Variants in CEP70 observed in about 807,000 individuals in gnomAD.
CEP70 encodes the protein centrosomal protein of 70 kDa.
CEP70 carries 70 observed loss-of-function variants against 90.9 expected under a neutral mutation model. The observed-to-expected ratio is 0.77, with a 90% CI of 0.64 to 0.94. CEP70 has a LOEUF of 0.94. Ranked by LOEUF, CEP70 falls within the 40% of genes least tolerant of loss-of-function variation. The pLI is 0.00. For synonymous variants in CEP70, 220 were observed against 228.3 expected, an observed-to-expected ratio of 0.96 and a Z score of 0.33; for missense variants, 648 against 669.0, an observed-to-expected ratio of 0.97 and a Z score of 0.35.
At chr3:138,495,231 T>C (rs545953925) in intron 17 of CEP70, among the ~76,000 whole-genome samples, 155 bp from the exon 18 acceptor site, 43 of 152,350 alleles carry the variant, frequency 2.8e-4, no homozygotes, top group African/African-American at 9.4e-4. Flanking sequence ...ATAGTGATGA[T>C]AGATTATCAC....
At chr3:138,554,893 G>A (rs2039883424) in intron 6 of CEP70, among the ~76,000 whole-genome samples, 1 of 152,048 alleles carries the variant, frequency 6.6e-6, no homozygotes, top group Non-Finnish European at 1.5e-5. Flanking sequence ...TGTGCAAATG[G>A]TGCTGGGATA....
chr3:138,568,362 T>C (rs1291100305), intron 6 of CEP70, among the ~76,000 whole-genome samples: 1 of 152,212 alleles, frequency 6.6e-6, no homozygotes, highest in African/African-American at 2.4e-5. Flanking sequence ...TTTGTAAGCT[T>C]TGTATTTCTA....
Position 138,513,660 on chromosome 3 carries a change from T to C in CEP70, c.945-5116A>G, listed in dbSNP as rs149501970. Among the ~76,000 whole-genome samples the C allele has an allele frequency of 4.8e-3, 733 of 152,252 alleles. 4 individuals are homozygous for C. The highest frequency in any genetic ancestry group is 6.1e-3 in the Admixed American group (93 of 15,274). Reference sequence around the variant, plus strand: ...TAGCAGTAAGTTAACAGTTTGACTGTTAATTTCACTTTGACTCATTGGCCT... The same window carrying C: ...TAGCAGTAAGTTAACAGTTTGACTGCTAATTTCACTTTGACTCATTGGCCT... On this transcript the variant is annotated intron_variant, in intron 11 of 17. Transcript: ENST00000264982.
rs773563593 is a variant in CEP70 at position 138,500,455 on chromosome 3, G to GT, written c.1480dup (p.Thr494AsnfsTer2). On this transcript the variant is annotated frameshift_variant, in exon 15 of 18. Transcript: ENST00000264982. LOFTEE classifies it high-confidence loss of function. ...AGCATTGTTCATTTCTCCAAGCCTA[G>GT]TATAAACTTCATTCATTCGGGGATA... 3 of 1,610,788 alleles carry GT rather than the reference G, an allele frequency of 1.9e-6. No individual in the cohort carries two copies. The South Asian group carries it at 3.3e-5, about 18-fold the overall frequency.
At chr3:138,518,456 C>A (rs1296704304) in intron 11 of CEP70, among the ~76,000 whole-genome samples, 1 of 152,180 alleles carries the variant, frequency 6.6e-6, no homozygotes, top group East Asian at 1.9e-4. Flanking sequence ...TGACATCTCA[C>A]ACAGCCGGGT....
intron 2 of CEP70, among the ~76,000 whole-genome samples, chr3:138,581,154 G>A (rs112389818): frequency 3.9e-4 from 60 of 151,906 alleles, no homozygotes; most frequent in African/African-American, 1.3e-3. Flanking sequence ...GCATGGTGGC[G>A]TGTGCCAGTA....
rs918581883 is a variant in CEP70 at position 138,530,902 on chromosome 3, A to G, written c.693-1440T>C. On this transcript the variant is annotated intron_variant, in intron 8 of 17. Coordinates refer to ENST00000264982, the MANE Select transcript of CEP70 (RefSeq NM_024491.4). ...AGAAAGGAGACTGAGTTTATAATAT[A>G]AACTCCACTCAGTCAATGAATCCCG... is the stretch of plus-strand genomic sequence containing the variant. 9.4e-6 allele frequency: 9 copies of G among 957,062 alleles called. No homozygotes were observed. The Admixed American group carries it at 3.1e-4, about 33-fold the overall frequency. The allele number at this position is 957,062 out of a possible 1,614,324, so 59.3% of individuals were successfully genotyped here.
intron 1 of CEP70, among the ~76,000 whole-genome samples, chr3:138,593,301 C>T (rs928011519): frequency 3.3e-5 from 5 of 152,190 alleles, no homozygotes; most frequent in African/African-American, 9.7e-5. Flanking sequence ...CGGCTCACAG[C>T]AACCTCCGCC....
In CEP70 at chr3:138,549,363, C is replaced by T. The variant is rs550687857; in HGVS notation, c.466-12016G>A. On this transcript the variant is annotated intron_variant, in intron 6 of 17. Coordinates refer to ENST00000264982, the MANE Select transcript of CEP70 (RefSeq NM_024491.4). Reference sequence around the variant, plus strand: ...ACAAACTTGGTGTTGTTGGGTGGGGCGGGTAGTGGGCATGATGGGAGTGAG... The same window carrying T: ...ACAAACTTGGTGTTGTTGGGTGGGGTGGGTAGTGGGCATGATGGGAGTGAG... 6.5e-4 allele frequency among the ~76,000 whole-genome samples: 99 copies of T among 151,628 alleles called. No individual in the cohort carries two copies. In the South Asian group the frequency reaches 0.011, roughly 17 times the overall value.
intron 11 of CEP70, 64 bp downstream of exon 11, chr3:138,525,426 A>G: frequency 1.7e-6 from 1 of 582,722 alleles, no homozygotes; most frequent in Admixed American, 3.7e-5. Context: ...AAATAAAAAT[A>G]AAAATAAATA....
chr3:138,546,024 C>CT (rs886178217), intron 6 of CEP70, among the ~76,000 whole-genome samples: 1 of 152,078 alleles, frequency 6.6e-6, no homozygotes, highest in Non-Finnish European at 1.5e-5. Flanking sequence ...CTTTATTGCC[C>CT]TTTAAAGCAT....
intron 11 of CEP70, among the ~76,000 whole-genome samples, chr3:138,509,690 TTTTA>T (rs1362051241): frequency 1.3e-5 from 2 of 152,118 alleles, no homozygotes; most frequent in Non-Finnish European, 2.9e-5. Context: ...AGTTTTTTTA[TTTTA>T]TTTTTTTTTA....
At chr3:138,495,220 G>A (rs761194859) in intron 17 of CEP70, 144 bp from the exon 18 acceptor site, 34 of 569,810 alleles carry the variant, frequency 6.0e-5, no homozygotes, top group African/African-American at 1.7e-4. Flanking sequence ...GTTTTTCTCC[G>A]ATAGTGATGA....
intron 11 of CEP70, among the ~76,000 whole-genome samples, chr3:138,516,699 C>A (rs1258923712): frequency 6.6e-6 from 1 of 152,104 alleles, no homozygotes; most frequent in Non-Finnish European, 1.5e-5. Flanking sequence ...ATTATTTTAA[C>A]CCAGTATGTA....
At chr3:138,556,373 C>T (rs964070990) in intron 6 of CEP70, among the ~76,000 whole-genome samples, 1 of 151,760 alleles carries the variant, frequency 6.6e-6, no homozygotes, top group Non-Finnish European at 1.5e-5. Flanking sequence ...ACTAAAAATA[C>T]AAAAATTAGC....
intron 11 of CEP70, among the ~76,000 whole-genome samples, chr3:138,525,278 T>G (rs1438505127): frequency 3.7e-4 from 49 of 132,962 alleles, no homozygotes; most frequent in African/African-American, 5.5e-4. Context: ...GTGGGGGGAG[T>G]GGGGAGGGAT....
At chr3:138,525,929 T>C (rs866053826) in intron 10 of CEP70, among the ~76,000 whole-genome samples, 24 of 152,342 alleles carry the variant, frequency 1.6e-4, no homozygotes, top group Middle Eastern at 3.4e-3. Flanking sequence ...TCAAACTTTA[T>C]ACATATACTT....
intron 13 of CEP70, among the ~76,000 whole-genome samples, chr3:138,502,406 C>A (rs948463535): frequency 2.0e-5 from 3 of 152,030 alleles, no homozygotes; most frequent in African/African-American, 7.2e-5. Context: ...TGACACTCTC[C>A]ACTTAAGGCT....
At chr3:138,525,159 C>G (rs2037085985) in intron 11 of CEP70, among the ~76,000 whole-genome samples, 1 of 151,338 alleles carries the variant, frequency 6.6e-6, no homozygotes, top group South Asian at 2.1e-4. Flanking sequence ...CAAACTATCG[C>G]AAGGACAAAA....
Sources: gnomAD v4.1 joint callset for allele counts (sites outside exome capture counted in the v4.1 genomes callset) on GRCh38, gnomAD v4.1.1 for gene constraint, MANE v1.5 for transcripts, NCBI Gene and HGNC (gene_info 2026-07-23, HGNC 2026-07-21) for gene names.